CTNNBL1: variants seen among roughly 807,000 people sequenced by gnomAD.
CTNNBL1 encodes beta-catenin-like protein 1.
In CTNNBL1, 31 loss-of-function variants were observed where a neutral mutation model predicts 72.7. The observed-to-expected ratio is 0.43, with a 90% CI of 0.32 to 0.58. The LOEUF (loss-of-function observed/expected upper bound fraction) is 0.58, where lower values mean the gene tolerates loss of function less well. CTNNBL1 is among the 20% of genes least tolerant of loss of function. The pLI is 0.08. For synonymous variants in CTNNBL1, 240 were observed against 267.3 expected, an observed-to-expected ratio of 0.90 and a Z score of 1.00; for missense variants, 534 against 725.1, an observed-to-expected ratio of 0.74 and a Z score of 3.03.
At chr20:37,776,808 A>T (rs2073577780) in intron 7 of CTNNBL1, among the ~76,000 whole-genome samples, 1 of 152,204 alleles carries the variant, frequency 6.6e-6, no homozygotes, top group Non-Finnish European at 1.5e-5. Flanking sequence ...AGTAGTAGGC[A>T]GATTATGGCA....
chr20:37,815,178 G>A (rs1206537146), intron 11 of CTNNBL1, among the ~76,000 whole-genome samples: 1 of 151,606 alleles, frequency 6.6e-6, no homozygotes, highest in Non-Finnish European at 1.5e-5. Context: ...TTTTAGCAAG[G>A]GTGGGCATTT....
chr20:37,793,745 G>A (rs781176008), intron 10 of CTNNBL1, among the ~76,000 whole-genome samples: 1 of 152,124 alleles, frequency 6.6e-6, no homozygotes, highest in Non-Finnish European at 1.5e-5. Context: ...GTTATACATT[G>A]TTGTTTTTGT....
chr20:37,758,691 C>T (rs1200317018), intron 5 of CTNNBL1, among the ~76,000 whole-genome samples: 2 of 152,252 alleles, frequency 1.3e-5, no homozygotes, highest in East Asian at 3.8e-4. Flanking sequence ...CTCCTCAAGG[C>T]TCTGTGGATT....
At chr20:37,706,296 G>A (rs1423357767) in intron 1 of CTNNBL1, among the ~76,000 whole-genome samples, 2 of 152,174 alleles carry the variant, frequency 1.3e-5, no homozygotes, top group Non-Finnish European at 2.9e-5. Flanking sequence ...AGATTTCTCT[G>A]TAGCAAGCTG....
At chr20:37,864,896 T>C (rs964165620) in intron 15 of CTNNBL1, among the ~76,000 whole-genome samples, 1 of 152,118 alleles carries the variant, frequency 6.6e-6, no homozygotes, top group African/African-American at 2.4e-5. Context: ...CTACCTCCTC[T>C]GGGTCAGGCC....
At chr20:37,833,340 G>T (rs745667467) in intron 11 of CTNNBL1, among the ~76,000 whole-genome samples, 1 of 152,200 alleles carries the variant, frequency 6.6e-6, no homozygotes, top group Admixed American at 6.5e-5. Flanking sequence ...GCTGGGGGAA[G>T]GGTGGGCCAG....
chr20:37,734,705 G>A (rs563351713), intron 2 of CTNNBL1, among the ~76,000 whole-genome samples: 1 of 152,346 alleles, frequency 6.6e-6, no homozygotes, highest in African/African-American at 2.4e-5. Context: ...GTAAAGTCAC[G>A]TGAACTTGTA....
At chr20:37,706,395 G>A (rs1600433189) in intron 1 of CTNNBL1, among the ~76,000 whole-genome samples, 2 of 152,202 alleles carry the variant, frequency 1.3e-5, no homozygotes, top group South Asian at 2.1e-4. Context: ...TATCATCTAA[G>A]TTCATGTAAT....
intron 3 of CTNNBL1, among the ~76,000 whole-genome samples, chr20:37,740,394 A>T (rs776354597): frequency 6.6e-6 from 1 of 152,084 alleles, no homozygotes; most frequent in Non-Finnish European, 1.5e-5. Flanking sequence ...CATATATCCA[A>T]TTGTCATTTT....
chr20:37,838,473 AG>A (rs893455766), intron 11 of CTNNBL1, among the ~76,000 whole-genome samples: 16 of 152,362 alleles, frequency 1.1e-4, no homozygotes, highest in African/African-American at 3.8e-4. Flanking sequence ...AGAGAATCAA[AG>A]GCATTTTCAC....
At chr20:37,839,257 A>G (rs890140923) in intron 11 of CTNNBL1, among the ~76,000 whole-genome samples, 1 of 152,230 alleles carries the variant, frequency 6.6e-6, no homozygotes, top group Non-Finnish European at 1.5e-5. Context: ...TGGGAATCCA[A>G]GGTAACTGGC....
chr20:37,860,420 C>T (rs1600535279), intron 15 of CTNNBL1, 76 bp downstream of exon 15: 1 of 1,203,354 alleles, frequency 8.3e-7, no homozygotes, highest in Non-Finnish European at 1.2e-6. Flanking sequence ...TGTCAGTATC[C>T]CTGGTATTTG....
In CTNNBL1 at chr20:37,820,419, A is replaced by G. The variant is rs557505027; in HGVS notation, c.1213+17371A>G. Among the ~76,000 whole-genome samples, 44 of 152,218 alleles carry G rather than the reference A, an allele frequency of 2.9e-4. No individual in the cohort carries two copies. In the South Asian group the frequency reaches 3.5e-3, roughly 12 times the overall value. The stretch of plus-strand genomic sequence containing the variant: ...TAACGACAACCTTCTTCTCCTTACT[A>G]TTGGAATTCTTGCCACTCTACAGTC... On this transcript the variant is annotated intron_variant, in intron 11 of 15. Transcript: ENST00000361383.
rs529097726 is a variant in CTNNBL1 at position 37,826,433 on chromosome 20, A to G, written c.1214-13669A>G. On this transcript the variant is annotated intron_variant, in intron 11 of 15. Transcript: ENST00000361383. ...CTTGTGGAGCCTCATCACAACTGAA[A>G]GATGAGACTACTGAGTTAATTTTGG... Among the ~76,000 whole-genome samples, 8 of 152,370 alleles carry G rather than the reference A, an allele frequency of 5.3e-5. No individual in the cohort carries two copies. In the South Asian group the frequency reaches 1.4e-3, roughly 28 times the overall value.
chr20:37,825,297 G>A (rs531289965), intron 11 of CTNNBL1, among the ~76,000 whole-genome samples: 198 of 152,256 alleles, frequency 1.3e-3, no homozygotes, highest in Non-Finnish European at 2.3e-3. Flanking sequence ...AAGTTGTAGT[G>A]AGCTGAGATT....
intron 1 of CTNNBL1, among the ~76,000 whole-genome samples, chr20:37,729,485 TTTTC>T (rs976471130): frequency 7.9e-5 from 12 of 152,184 alleles, no homozygotes; most frequent in Admixed American, 2.0e-4. Context: ...GTGTTTTTTT[TTTTC>T]TATTTTGCAT....
At position 37,864,189 on chromosome 20, in the gene CTNNBL1, C is replaced by T. The variant is rs565671048; in HGVS notation, c.1603+3845C>T. Among the ~76,000 whole-genome samples the T allele has an allele frequency of 5.6e-5, 8 of 144,046 alleles. No individual in the cohort carries two copies. In the South Asian group the frequency reaches 8.4e-4, roughly 15 times the overall value. 94.5% of individuals were successfully genotyped at this position (144,046 alleles called of 152,430 possible). On this transcript the variant is annotated intron_variant, in intron 15 of 15. Coordinates refer to ENST00000361383, the MANE Select transcript of CTNNBL1 (RefSeq NM_030877.5). ...CCATCTGGTTCTCCTTTTCATACCACGCCCCCCCCACCCCACCCTTCCTTC... is the reference window on the plus strand; with the variant it reads ...CCATCTGGTTCTCCTTTTCATACCATGCCCCCCCCACCCCACCCTTCCTTC...
chr20:37,761,645 C>G (rs905471802), intron 5 of CTNNBL1, among the ~76,000 whole-genome samples: 13 of 152,216 alleles, frequency 8.5e-5, no homozygotes, highest in African/African-American at 3.1e-4. Flanking sequence ...CCTGACAAAG[C>G]CTCTGCTTTT....
At chr20:37,751,201 T>TTAATAA (rs147747134) in intron 4 of CTNNBL1, 4 of 151,792 alleles carry the variant, frequency 2.6e-5, no homozygotes, top group East Asian at 3.9e-4. Context: ...CCTTTATTCT[T>TTAATAA]TAATAATAAT....
Sources: allele counts gnomAD v4.1 joint callset (sites outside exome capture counted in the v4.1 genomes callset), GRCh38; gene constraint gnomAD v4.1.1; transcripts MANE v1.5; gene names NCBI Gene and HGNC (gene_info 2026-07-23, HGNC 2026-07-21).